The following LARS2 variants were observed in gnomAD, a reference collection of about 807,000 sequenced individuals.
LARS2 encodes the protein leucyl-tRNA synthetase 2, mitochondrial.
In LARS2, 81 loss-of-function variants were observed where a neutral mutation model predicts 116.6. That is an observed-to-expected ratio of 0.69 (90% CI 0.58 to 0.84). The LOEUF (loss-of-function observed/expected upper bound fraction) is 0.84. Among genes scored for constraint, LARS2 ranks in the 40% least tolerant of loss-of-function variants. LARS2 has a pLI of 0.00. For synonymous variants in LARS2, 396 were observed against 407.2 expected, an observed-to-expected ratio of 0.97 and a Z score of 0.33; for missense variants, 968 against 1,114.5, an observed-to-expected ratio of 0.87 and a Z score of 1.87.
intron 6 of LARS2, among the ~76,000 whole-genome samples, chr3:45,424,784 A>G (rs1014988440): frequency 6.6e-6 from 1 of 152,202 alleles, no homozygotes; most frequent in African/African-American, 2.4e-5. Flanking sequence ...CTTTTGATTA[A>G]CAGTTGTAGG....
chr3:45,501,816 C>T (rs1176205205), intron 15 of LARS2, among the ~76,000 whole-genome samples: 1 of 149,726 alleles, frequency 6.7e-6, no homozygotes, highest in Non-Finnish European at 1.5e-5. Flanking sequence ...GATCCGATCA[C>T]TCTACGTCGT....
intron 10 of LARS2, among the ~76,000 whole-genome samples, chr3:45,478,536 A>G (rs564744469): frequency 3.9e-5 from 6 of 152,196 alleles, no homozygotes; most frequent in East Asian, 1.9e-4. Flanking sequence ...AGTACACGCA[A>G]ACAGCACTGT....
intron 8 of LARS2, among the ~76,000 whole-genome samples, chr3:45,461,478 G>C (rs900390694): frequency 6.6e-6 from 1 of 152,004 alleles, no homozygotes; most frequent in African/African-American, 2.4e-5. Flanking sequence ...CTGGAGAGAT[G>C]TTTAGGGGCT....
intron 12 of LARS2, among the ~76,000 whole-genome samples, chr3:45,489,484 C>A (rs1180054022): frequency 6.6e-6 from 1 of 150,600 alleles, no homozygotes; most frequent in East Asian, 2.0e-4. Context: ...CAGGTGAGAC[C>A]CCAAAATTTA....
At position 45,500,577 on chromosome 3, in the gene LARS2, T is replaced by C; in HGVS notation, c.1758T>C (p.His586=). 1 of 1,568,526 alleles carries C rather than the reference T, an allele frequency of 6.4e-7. No homozygotes were observed. Among genetic ancestry groups the C allele is most frequent in the Non-Finnish European group, 8.6e-7 (1 of 1,164,426 alleles). The part of the protein sequence containing the change: ...HFCHDQKMVK[H]REPFHKLLAQ... Reference sequence around the variant, plus strand: ...GCCATGATCAAAAAATGGTTAAACATAGGTAAGCACTTATACTGCTTTGCA... The same window carrying C: ...GCCATGATCAAAAAATGGTTAAACACAGGTAAGCACTTATACTGCTTTGCA... Residue 586 remains histidine, a splice_region_variant and synonymous_variant, in exon 15 of 22, where the codon CAT becomes CAC. Coordinates refer to ENST00000645846, the MANE Select transcript of LARS2 (RefSeq NM_015340.4).
At chr3:45,461,648 G>C (rs1699328300) in intron 8 of LARS2, among the ~76,000 whole-genome samples, 1 of 152,208 alleles carries the variant, frequency 6.6e-6, no homozygotes, top group African/African-American at 2.4e-5. Flanking sequence ...AGAGAGACCA[G>C]TTAGAAAGCT....
intron 2 of LARS2, among the ~76,000 whole-genome samples, chr3:45,392,302 CTTT>C (rs749403733): frequency 6.5e-5 from 9 of 138,172 alleles, no homozygotes; most frequent in African/African-American, 8.0e-5. Context: ...TCTTTTTTAT[CTTT>C]TTTTTTTTTT....
At chr3:45,511,568 G>A (rs1406190471) in intron 15 of LARS2, among the ~76,000 whole-genome samples, 1 of 150,964 alleles carries the variant, frequency 6.6e-6, no homozygotes, top group Non-Finnish European at 1.5e-5. Flanking sequence ...TACCTCAACA[G>A]TTTACCTTAA....
intron 6 of LARS2, among the ~76,000 whole-genome samples, chr3:45,443,668 G>T (rs977153349): frequency 1.3e-5 from 2 of 152,162 alleles, no homozygotes; most frequent in Non-Finnish European, 2.9e-5. Flanking sequence ...ACGCATTTCA[G>T]TACGACGGAA....
chr3:45,520,356 G>T, intron 19 of LARS2, 60 bp downstream of exon 19: 3 of 1,300,596 alleles, frequency 2.3e-6, no homozygotes, highest in Non-Finnish European at 3.3e-6. Flanking sequence ...GTGGCAAGGG[G>T]CCCCACAGGG....
chr3:45,498,818 C>G (rs1368412251), intron 14 of LARS2, among the ~76,000 whole-genome samples: 6 of 152,174 alleles, frequency 3.9e-5, no homozygotes, highest in African/African-American at 1.4e-4. Context: ...CTCCAGTGTC[C>G]TTTAGGACCC....
chr3:45,440,814 C>A (rs567229604), intron 6 of LARS2, among the ~76,000 whole-genome samples: 1 of 152,200 alleles, frequency 6.6e-6, no homozygotes, highest in South Asian at 2.1e-4. Flanking sequence ...GTGGATTTCT[C>A]CATCTGGTCA....
rs1699157213 is a variant in LARS2 at position 45,452,932 on chromosome 3, CT to C, written c.607-5810del. Among the ~76,000 whole-genome samples, 5 of 152,234 alleles carry C rather than the reference CT, an allele frequency of 3.3e-5. No individual in the cohort carries two copies. The South Asian group carries it at 1.0e-3, about 32-fold the overall frequency. ...GTGTCCAGGAATTCATCCATTTCTT[CT>C]AGGTTTTCCCATTTGTTGATGTATA... is the stretch of plus-strand genomic sequence containing the variant. On this transcript the variant is annotated intron_variant, in intron 7 of 21. Transcript: ENST00000645846.
intron 6 of LARS2, among the ~76,000 whole-genome samples, chr3:45,438,624 C>T (rs934950965): frequency 2.1e-4 from 31 of 150,656 alleles, no homozygotes; most frequent in African/African-American, 7.3e-4. Context: ...TTGAGACCAG[C>T]CTGGCCAACA....
chr3:45,436,825 G>A (rs1017873424), intron 6 of LARS2, among the ~76,000 whole-genome samples: 2 of 150,026 alleles, frequency 1.3e-5, no homozygotes, highest in African/African-American at 2.4e-5. Context: ...AAGAAAAGCC[G>A]TTTGTATTGT....
intron 15 of LARS2, among the ~76,000 whole-genome samples, chr3:45,503,140 A>G (rs1466406318): frequency 6.6e-6 from 1 of 151,996 alleles, no homozygotes; most frequent in East Asian, 1.9e-4. Context: ...AGATGCTACC[A>G]ATCCAAGATC....
chr3:45,463,126 G>A (rs770582609), intron 8 of LARS2, among the ~76,000 whole-genome samples: 1 of 152,208 alleles, frequency 6.6e-6, no homozygotes, highest in Non-Finnish European at 1.5e-5. Flanking sequence ...TACAGCAAGC[G>A]AAAGGGATTC....
intron 7 of LARS2, among the ~76,000 whole-genome samples, chr3:45,455,052 A>G (rs1699191752): frequency 6.6e-6 from 1 of 151,880 alleles, no homozygotes; most frequent in Non-Finnish European, 1.5e-5. Context: ...CTTTTGAGAC[A>G]CTATTTCTTT....
Position 45,491,659 on chromosome 3 carries a change from T to C in LARS2, c.1382T>C (p.Ile461Thr). 4 of 1,614,186 alleles carry C rather than the reference T, an allele frequency of 2.5e-6. No individual in the cohort carries two copies. The highest frequency in any genetic ancestry group is 3.4e-6 in the Non-Finnish European group (4 of 1,180,034). The change falls in exon 13 of 22, where the codon ATT becomes ACT. Residue 461 changes from isoleucine to threonine, a missense_variant. Coordinates refer to ENST00000645846, the MANE Select transcript of LARS2 (RefSeq NM_015340.4). ...CGGTACTGGGGCACACCAATCCCCA[T>C]TGTCCACTGCCCAGTCTGTGGCCCC... ...RQRYWGTPIP[I>T]VHCPVCGPTP...
Sources: allele counts gnomAD v4.1 joint callset (sites outside exome capture counted in the v4.1 genomes callset), GRCh38; gene constraint gnomAD v4.1.1; transcripts MANE v1.5; gene names NCBI Gene and HGNC (gene_info 2026-07-23, HGNC 2026-07-21).